Variants in BRAF observed in about 807,000 individuals in gnomAD.
BRAF encodes the protein serine/threonine-protein kinase B-raf.
In BRAF, 16 loss-of-function variants were observed where a neutral mutation model predicts 104.6. The observed-to-expected ratio is 0.15, with a 90% CI of 0.10 to 0.23. The LOEUF is 0.23. Ranked by LOEUF, BRAF falls within the 10% of genes least tolerant of loss-of-function variation. BRAF has a pLI of 1.00. For missense variants in BRAF, 541 were observed against 937.3 expected, an observed-to-expected ratio of 0.58 and a Z score of 5.52; for synonymous variants, 310 against 341.6, an observed-to-expected ratio of 0.91 and a Z score of 1.02.
Position 140,722,081 on chromosome 7 carries a change from T to C in BRAF, c.*4413A>G, listed in dbSNP as rs919340055. The C allele has an allele frequency of 6.4e-6, 7 of 1,087,582 alleles. No individual in the cohort carries two copies. Among genetic ancestry groups the C allele is most frequent in the Middle Eastern group, 4.0e-4 (1 of 2,524 alleles). 67.4% of individuals were successfully genotyped at this position (1,087,582 alleles called of 1,614,324 possible). A position where few individuals can be genotyped will look rare whatever the true frequency, so the allele number is the denominator to read the frequency against. Reference sequence around the variant, plus strand: ...AACTACAGCAATTTCTGTCAACATTTCTGTTGTATAAAAGTTCCATGCTTT... The same window carrying C: ...AACTACAGCAATTTCTGTCAACATTCCTGTTGTATAAAAGTTCCATGCTTT... On this transcript the variant is annotated 3_prime_UTR_variant, in exon 20 of 20. Coordinates refer to ENST00000644969, the MANE Select transcript of BRAF (RefSeq NM_001374258.1).
At chr7:140,765,885 A>G (rs1799269214) in intron 14 of BRAF, among the ~76,000 whole-genome samples, 1 of 145,200 alleles carries the variant, frequency 6.9e-6, no homozygotes, top group South Asian at 2.2e-4. Flanking sequence ...TGTGGAAGTC[A>G]GTGTGGCGAT....
chr7:140,787,082 A>C (rs1415770340), intron 9 of BRAF, among the ~76,000 whole-genome samples: 1 of 151,988 alleles, frequency 6.6e-6, no homozygotes, highest in African/African-American at 2.4e-5. Flanking sequence ...CGGGCGGATC[A>C]CGAGGTCAGG....
intron 14 of BRAF, among the ~76,000 whole-genome samples, chr7:140,768,485 G>C (rs1019833159): frequency 6.6e-6 from 1 of 152,056 alleles, no homozygotes; most frequent in African/African-American, 2.4e-5. Context: ...CATGAAAGCA[G>C]GAGTCACTGA....
In BRAF at chr7:140,924,645, T is replaced by A; in HGVS notation, c.59A>T (p.Asn20Ile). The part of the protein sequence containing the change: ...GGAEPGQALF[N>I]GDMEPEAGAG... ...GCCGGCCTCGGGCTCCATGTCCCCGTTGAACAGAGCCTGGCCCGGCTCCGC... is the reference window on the plus strand; with the variant it reads ...GCCGGCCTCGGGCTCCATGTCCCCGATGAACAGAGCCTGGCCCGGCTCCGC... The change falls in exon 1 of 20, where the codon AAC becomes ATC. Residue 20 changes from asparagine to isoleucine, a missense_variant. Physicochemically the swap from Asn to Ile is moderately radical, Grantham distance 149. Transcript: ENST00000644969. The surrounding 1 kb of genome is among the most constrained non-coding windows in gnomAD (Gnocchi z 4.2). The A allele has an allele frequency of 7.0e-7, 1 of 1,431,592 alleles. No homozygotes were observed. The highest frequency in any genetic ancestry group is 9.4e-7 in the Non-Finnish European group (1 of 1,063,774). 88.7% of individuals were successfully genotyped at this position (1,431,592 alleles called of 1,614,324 possible). A position where few individuals can be genotyped will look rare whatever the true frequency, so the allele number is the denominator to read the frequency against.
At chr7:140,819,850 G>A (rs1004834065) in intron 3 of BRAF, among the ~76,000 whole-genome samples, 11 of 152,130 alleles carry the variant, frequency 7.2e-5, no homozygotes, top group African/African-American at 1.2e-4. Flanking sequence ...GACTGCTAAC[G>A]GGTACAGTGT....
chr7:140,911,252 T>C (rs1413795507), intron 1 of BRAF, among the ~76,000 whole-genome samples: 1 of 152,230 alleles, frequency 6.6e-6, no homozygotes. Flanking sequence ...GCCATCAGGC[T>C]AGTTATTTTT....
chr7:140,797,103 C>T (rs1802569105), intron 7 of BRAF, among the ~76,000 whole-genome samples: 1 of 151,650 alleles, frequency 6.6e-6, no homozygotes, highest in Non-Finnish European at 1.5e-5. Context: ...TGGCTTTCTC[C>T]CAATGATACC....
At chr7:140,855,401 ATAAC>A (rs1332636277) in intron 1 of BRAF, among the ~76,000 whole-genome samples, 1 of 152,112 alleles carries the variant, frequency 6.6e-6, no homozygotes, top group African/African-American at 2.4e-5. Flanking sequence ...AGCTTAGTAA[ATAAC>A]TGATCATTTT....
intron 19 of BRAF, chr7:140,726,619 T>A: frequency 9.6e-7 from 1 of 1,043,084 alleles, no homozygotes; most frequent in Non-Finnish European, 1.4e-6. Flanking sequence ...ACTAGTTATA[T>A]ATTTCAAGTC....
At chr7:140,791,234 C>T (rs1801931956) in intron 8 of BRAF, among the ~76,000 whole-genome samples, 1 of 152,232 alleles carries the variant, frequency 6.6e-6, no homozygotes, top group Non-Finnish European at 1.5e-5. Flanking sequence ...CCTACTTCCT[C>T]ACCTGCTGCC....
rs375704079 is a variant in BRAF at position 140,787,596 on chromosome 7, T to G, written c.1141-12A>C. The G allele has an allele frequency of 6.2e-7, 1 of 1,605,654 alleles. No individual in the cohort carries two copies. The highest frequency in any genetic ancestry group is 8.5e-7 in the Non-Finnish European group (1 of 1,172,580). On this transcript the variant is annotated splice_polypyrimidine_tract_variant and intron_variant, in intron 8 of 19. Transcript: ENST00000644969. Reference sequence around the variant, plus strand: ...TCTCTAATCAAGTCCTACAAATAAATAGTAATGTATATTTATTCCAAGCAA... The same window carrying G: ...TCTCTAATCAAGTCCTACAAATAAAGAGTAATGTATATTTATTCCAAGCAA...
chr7:140,789,080 G>A (rs1307347570), intron 8 of BRAF, among the ~76,000 whole-genome samples: 2 of 151,744 alleles, frequency 1.3e-5, no homozygotes, highest in African/African-American at 4.8e-5. Flanking sequence ...ATGGTGGCAC[G>A]CGACTGTAAT....
chr7:140,825,355 CTG>C (rs1805924863), intron 3 of BRAF, among the ~76,000 whole-genome samples: 1 of 152,154 alleles, frequency 6.6e-6, no homozygotes, highest in South Asian at 2.1e-4. Flanking sequence ...GATTATCAAT[CTG>C]TGGTTTCTCT....
chr7:140,798,726 AG>A (rs1414115730), intron 7 of BRAF, among the ~76,000 whole-genome samples: 21 of 152,028 alleles, frequency 1.4e-4, no homozygotes, highest in African/African-American at 5.1e-4. Context: ...AGGCTGAGGC[AG>A]GAAGATCACC....
At chr7:140,897,037 T>C (rs1298843763) in intron 1 of BRAF, among the ~76,000 whole-genome samples, 1 of 152,030 alleles carries the variant, frequency 6.6e-6, no homozygotes, top group East Asian at 1.9e-4. Context: ...TAGTACTTTT[T>C]ACAGAATTTG....
chr7:140,739,704 C>T (rs916100507), intron 18 of BRAF, 108 bp downstream of exon 17: 4 of 1,306,538 alleles, frequency 3.1e-6, no homozygotes, highest in Non-Finnish European at 4.4e-6. Context: ...GGAGTCTGCA[C>T]ATAGAATCCA....
Position 140,719,931 on chromosome 7 carries a change from T to C in BRAF, c.*6563A>G, listed in dbSNP as rs1795242016. 1 of 1,062,284 alleles carries C rather than the reference T, an allele frequency of 9.4e-7. No individual in the cohort carries two copies. Among genetic ancestry groups the C allele is most frequent in the East Asian group, 5.1e-5 (1 of 19,692 alleles). The allele number at this position is 1,062,284 out of a possible 1,614,324, so 65.8% of individuals were successfully genotyped here. A position where few individuals can be genotyped will look rare whatever the true frequency, so the allele number is the denominator to read the frequency against. ...ATGTGTGTGTGAGTCGCCATAAGGT[T>C]TGGAGTGGTGAAACAGGAACCGTGA... On this transcript the variant is annotated 3_prime_UTR_variant, in exon 20 of 20. Transcript: ENST00000644969.
At chr7:140,912,592 C>T (rs1817108180) in intron 1 of BRAF, among the ~76,000 whole-genome samples, 1 of 152,188 alleles carries the variant, frequency 6.6e-6, no homozygotes, top group Non-Finnish European at 1.5e-5. Flanking sequence ...CCACTTTCCT[C>T]ACTAGCTCTG....
intron 3 of BRAF, among the ~76,000 whole-genome samples, chr7:140,819,118 T>C (rs1805198231): frequency 6.6e-6 from 1 of 152,250 alleles, no homozygotes; most frequent in African/African-American, 2.4e-5. Context: ...TACTTTCTCT[T>C]TTCTGTCCGA....
Sources: gnomAD v4.1 joint callset for allele counts (sites outside exome capture counted in the v4.1 genomes callset) on GRCh38, gnomAD v4.1.1 for gene constraint, Gnocchi (gnomAD v3.1) non-coding constraint, MANE v1.5 for transcripts, NCBI Gene and HGNC (gene_info 2026-07-23, HGNC 2026-07-21) for gene names.